Variants in CSTPP1 observed in about 807,000 individuals in gnomAD.
CSTPP1 encodes centriolar satellite-associated tubulin polyglutamylase complex regulator 1.
chr11:46,960,998 C>T, the CSTPP1 span, among the ~76,000 whole-genome samples: 4 of 152,094 alleles, frequency 2.6e-5, no homozygotes, highest in African/African-American at 9.7e-5. Flanking sequence ...GGATTATTTT[C>T]ACTACTTGGA....
the CSTPP1 span, among the ~76,000 whole-genome samples, chr11:47,034,525 A>G: frequency 6.8e-6 from 1 of 147,520 alleles, no homozygotes; most frequent in Non-Finnish European, 1.5e-5. Context: ...TTTTTAGAGC[A>G]GGGTCTCACT....
At chr11:47,011,965 A>G in the CSTPP1 span, among the ~76,000 whole-genome samples, 1 of 152,198 alleles carries the variant, frequency 6.6e-6, no homozygotes, top group African/African-American at 2.4e-5. Flanking sequence ...AGCTTCAGAT[A>G]GTGATAAATT....
At chr11:47,127,882 T>A in the CSTPP1 span, among the ~76,000 whole-genome samples, 6 of 152,092 alleles carry the variant, frequency 3.9e-5, no homozygotes, top group African/African-American at 1.2e-4. Flanking sequence ...TATTATTATT[T>A]TTTTTTTGAG....
At chr11:47,027,062 T>C in the CSTPP1 span, among the ~76,000 whole-genome samples, 6 of 152,234 alleles carry the variant, frequency 3.9e-5, no homozygotes, top group Admixed American at 6.5e-5. Context: ...AGTATGTATG[T>C]GTGCAGTAAC....
At chr11:47,035,501 T>G in the CSTPP1 span, among the ~76,000 whole-genome samples, 1 of 152,224 alleles carries the variant, frequency 6.6e-6, no homozygotes, top group Non-Finnish European at 1.5e-5. Context: ...TTGCAACACT[T>G]GTGCTCACTG....
chr11:47,034,504 CT>C, the CSTPP1 span, among the ~76,000 whole-genome samples: 95,824 of 144,304 alleles, frequency 0.66, 31,738 homozygotes, highest in African/African-American at 0.72. Context: ...TTAAAAGCTT[CT>C]TTTTTTTTTT....
the CSTPP1 span, among the ~76,000 whole-genome samples, chr11:47,003,693 G>A: frequency 3.3e-5 from 5 of 152,190 alleles, no homozygotes; most frequent in Non-Finnish European, 5.9e-5. Context: ...TGGCACAAAT[G>A]TGTACATTTC....
chr11:46,958,253 GC>G, the CSTPP1 span, among the ~76,000 whole-genome samples: 1 of 149,024 alleles, frequency 6.7e-6, no homozygotes, highest in East Asian at 2.0e-4. Context: ...TCCTGCCTTG[GC>G]CTCCCACAGT....
the CSTPP1 span, among the ~76,000 whole-genome samples, chr11:47,070,912 G>A: frequency 6.6e-6 from 1 of 151,990 alleles, no homozygotes; most frequent in South Asian, 2.1e-4. Flanking sequence ...CTATACTCTG[G>A]CCACACAGAA....
the CSTPP1 span, among the ~76,000 whole-genome samples, chr11:47,031,774 A>C: frequency 6.6e-6 from 1 of 150,878 alleles, no homozygotes; most frequent in Non-Finnish European, 1.5e-5. Flanking sequence ...AGGGTTCTCT[A>C]GAGGGATGGA....
the CSTPP1 span, among the ~76,000 whole-genome samples, chr11:47,014,982 C>T: frequency 1.3e-5 from 2 of 151,580 alleles, no homozygotes; most frequent in Admixed American, 1.3e-4. Context: ...CTGATCACAA[C>T]AAAAGAGAGA....
At chr11:47,000,749 A>G in the CSTPP1 span, among the ~76,000 whole-genome samples, 1 of 151,886 alleles carries the variant, frequency 6.6e-6, no homozygotes, top group Non-Finnish European at 1.5e-5. Context: ...TTATGAACCT[A>G]GTGTTTTAAT....
chr11:47,045,296 G>A, the CSTPP1 span, among the ~76,000 whole-genome samples: 1 of 152,158 alleles, frequency 6.6e-6, no homozygotes, highest in Non-Finnish European at 1.5e-5. Flanking sequence ...AGAACTACAG[G>A]TTTATGTATA....
chr11:47,137,885 C>T, the CSTPP1 span: 2 of 679,924 alleles, frequency 2.9e-6, no homozygotes, highest in African/African-American at 1.8e-5. Context: ...AAACATAATA[C>T]ATTCTGCATT....
chr11:46,970,828 C>G, the CSTPP1 span, among the ~76,000 whole-genome samples: 2 of 152,058 alleles, frequency 1.3e-5, no homozygotes, highest in Non-Finnish European at 2.9e-5. Flanking sequence ...TGTTCATGTG[C>G]AACATTCTTC....
chr11:47,130,201 G>A, the CSTPP1 span, among the ~76,000 whole-genome samples: 381 of 151,440 alleles, frequency 2.5e-3, 1 homozygote, highest in African/African-American at 8.9e-3. Context: ...CGTTTGCAGT[G>A]AGCCGAGATA....
the CSTPP1 span, among the ~76,000 whole-genome samples, chr11:47,016,182 A>G: frequency 6.6e-6 from 1 of 152,214 alleles, no homozygotes; most frequent in African/African-American, 2.4e-5. Context: ...AGTGAAGGGC[A>G]TCTACGAAAA....
chr11:46,970,011 A>G, the CSTPP1 span, among the ~76,000 whole-genome samples: 590 of 152,274 alleles, frequency 3.9e-3, 2 homozygotes, highest in African/African-American at 0.014. Context: ...GAAAGAAGCC[A>G]GAGGCAAAAG....
the CSTPP1 span, among the ~76,000 whole-genome samples, chr11:46,966,475 A>G: frequency 6.6e-6 from 1 of 152,100 alleles, no homozygotes; most frequent in African/African-American, 2.4e-5. Context: ...ACTTTTTATC[A>G]CTGATAACAA....
Sources: gnomAD v4.1 joint callset for allele counts (sites outside exome capture counted in the v4.1 genomes callset) on GRCh38, gnomAD v4.1.1 for gene constraint, MANE v1.5 for transcripts, NCBI Gene and HGNC (gene_info 2026-07-23, HGNC 2026-07-21) for gene names.